Variants in MBD5 observed in about 807,000 individuals in gnomAD.
MBD5 encodes the protein methyl-CpG-binding domain protein 5.
In MBD5, 13 loss-of-function variants were observed where a neutral mutation model predicts 117.3. The ratio of observed to expected loss-of-function variants is 0.11; its 90% CI spans 0.07 to 0.18. The LOEUF is 0.18. Among genes scored for constraint, MBD5 ranks in the 10% least tolerant of loss-of-function variants. The pLI is 1.00. For missense variants in MBD5, 1,879 were observed against 2,093.8 expected, an observed-to-expected ratio of 0.90 and a Z score of 2.00; for synonymous variants, 727 against 766.4, an observed-to-expected ratio of 0.95 and a Z score of 0.85.
intron 1 of MBD5, among the ~76,000 whole-genome samples, chr2:148,177,248 G>A (rs1443111419): frequency 6.6e-6 from 1 of 152,160 alleles, no homozygotes; most frequent in Non-Finnish European, 1.5e-5. Flanking sequence ...GTGTTCATAT[G>A]TGTGCTTTAG....
intron 1 of MBD5, among the ~76,000 whole-genome samples, chr2:148,140,001 T>C (rs1697274506): frequency 6.6e-6 from 1 of 152,220 alleles, no homozygotes; most frequent in South Asian, 2.1e-4. Context: ...TACATTGGGG[T>C]AACTGAACTT....
chr2:148,111,959 T>C (rs1244604083), intron 1 of MBD5, among the ~76,000 whole-genome samples: 5 of 152,200 alleles, frequency 3.3e-5, no homozygotes, highest in Non-Finnish European at 7.3e-5. Context: ...GTTATATGAA[T>C]GTGGTCTATC....
intron 1 of MBD5, among the ~76,000 whole-genome samples, chr2:148,083,889 G>C (rs1407114414): frequency 1.3e-5 from 2 of 152,148 alleles, no homozygotes; most frequent in African/African-American, 4.8e-5. Context: ...GCCTCCCAAA[G>C]TGCTGGGATT....
At chr2:148,064,734 A>G (rs191321423) in intron 1 of MBD5, among the ~76,000 whole-genome samples, 1 of 152,320 alleles carries the variant, frequency 6.6e-6, no homozygotes, top group Admixed American at 6.5e-5. Context: ...TTCCTGAAAA[A>G]TAATTGGAGG....
At chr2:148,209,512 C>G (rs1008827119) in intron 2 of MBD5, among the ~76,000 whole-genome samples, 15 of 151,366 alleles carry the variant, frequency 9.9e-5, no homozygotes, top group Admixed American at 6.6e-4. Context: ...CAATAAACTT[C>G]TTTTTTCTTT....
At chr2:148,335,555 C>T (rs1427401658) in intron 3 of MBD5, among the ~76,000 whole-genome samples, 1 of 151,844 alleles carries the variant, frequency 6.6e-6, no homozygotes, top group Non-Finnish European at 1.5e-5. Context: ...CTCTTCTCTA[C>T]CAAAAATAAA....
chr2:148,083,768 C>T (rs754607242), intron 1 of MBD5, among the ~76,000 whole-genome samples: 2 of 152,086 alleles, frequency 1.3e-5, no homozygotes, highest in Non-Finnish European at 2.9e-5. Flanking sequence ...GCTGGGACTA[C>T]AGGCGCACGC....
At chr2:148,106,924 A>T (rs1334436262) in intron 1 of MBD5, among the ~76,000 whole-genome samples, 2 of 151,946 alleles carry the variant, frequency 1.3e-5, no homozygotes, top group African/African-American at 2.4e-5. Flanking sequence ...CCTTAGGTTT[A>T]CTCACATATT....
rs143683252 is a variant in MBD5 at position 148,082,023 on chromosome 2, G to T, written c.-925+60339G>T. Among the ~76,000 whole-genome samples, 7 of 152,120 alleles carry T rather than the reference G, an allele frequency of 4.6e-5. No homozygotes were observed. In the East Asian group the frequency reaches 1.4e-3, roughly 29 times the overall value. On this transcript the variant is annotated intron_variant, in intron 1 of 13. Coordinates refer to ENST00000642680, the MANE Select transcript of MBD5 (RefSeq NM_001378120.1). Reference sequence around the variant, plus strand: ...TTTTTAGGCTCTTCTGAATCATTCTGCTTCCATTCTGTAGCATCATTCTTT... The same window carrying T: ...TTTTTAGGCTCTTCTGAATCATTCTTCTTCCATTCTGTAGCATCATTCTTT...
At chr2:148,343,704 A>G (rs566740129) in intron 4 of MBD5, among the ~76,000 whole-genome samples, 1 of 152,026 alleles carries the variant, frequency 6.6e-6, no homozygotes, top group East Asian at 1.9e-4. Context: ...GTTTGCAAAT[A>G]TTTTCACCCA....
chr2:148,144,490 G>C (rs1697398509), intron 1 of MBD5, among the ~76,000 whole-genome samples: 1 of 152,216 alleles, frequency 6.6e-6, no homozygotes, highest in Admixed American at 6.5e-5. Context: ...GGTTGCCATT[G>C]CATTTGGTGT....
chr2:148,096,456 A>G (rs1696070829), intron 1 of MBD5, among the ~76,000 whole-genome samples: 1 of 152,230 alleles, frequency 6.6e-6, no homozygotes, highest in African/African-American at 2.4e-5. Context: ...CCTGCCATAG[A>G]AAGTGATGTA....
chr2:148,321,181 GT>G (rs1702273285), intron 3 of MBD5, among the ~76,000 whole-genome samples: 1 of 152,108 alleles, frequency 6.6e-6, no homozygotes, highest in African/African-American at 2.4e-5. Context: ...TTAGTAAACA[GT>G]TACATTATTC....
chr2:148,226,403 G>A (rs1170436556), intron 2 of MBD5, among the ~76,000 whole-genome samples: 2 of 151,936 alleles, frequency 1.3e-5, no homozygotes. Context: ...GAGAATGATG[G>A]TTTCCAGCTT....
intron 4 of MBD5, among the ~76,000 whole-genome samples, chr2:148,415,716 C>T (rs1473782946): frequency 6.6e-6 from 1 of 152,118 alleles, no homozygotes; most frequent in Non-Finnish European, 1.5e-5. Context: ...AACCAGTCTG[C>T]AAGCTCTGAG....
At chr2:148,396,483 T>G (rs1169164702) in intron 4 of MBD5, among the ~76,000 whole-genome samples, 1 of 152,240 alleles carries the variant, frequency 6.6e-6, no homozygotes, top group African/African-American at 2.4e-5. Context: ...TATTCTTTCT[T>G]TTTTTCCTTT....
At chr2:148,134,786 T>A (rs1375859) in intron 1 of MBD5, among the ~76,000 whole-genome samples, 3 of 151,994 alleles carry the variant, frequency 2.0e-5, no homozygotes, top group African/African-American at 7.3e-5. Context: ...GAATACCCAG[T>A]CACAATTCTT....
chr2:148,252,040 G>T (rs1040716972), intron 3 of MBD5, among the ~76,000 whole-genome samples: 15 of 152,194 alleles, frequency 9.9e-5, no homozygotes, highest in Admixed American at 8.5e-4. Context: ...TAGAGGCATT[G>T]TTGGCTGCCA....
At chr2:148,416,704 A>G (rs1705431843) in intron 4 of MBD5, among the ~76,000 whole-genome samples, 1 of 152,064 alleles carries the variant, frequency 6.6e-6, no homozygotes, top group Admixed American at 6.5e-5. Flanking sequence ...CTGGGATTTT[A>G]GTGTACCCAT....
Sources: allele counts gnomAD v4.1 joint callset (sites outside exome capture counted in the v4.1 genomes callset), GRCh38; gene constraint gnomAD v4.1.1; transcripts MANE v1.5; gene names NCBI Gene and HGNC (gene_info 2026-07-23, HGNC 2026-07-21).